Variants in SEL1L2 observed in about 807,000 individuals in gnomAD.
SEL1L2 encodes the protein SEL1L2 adaptor subunit of SYVN1 ubiquitin ligase, also known as protein sel-1 homolog 2.
In SEL1L2, 89 loss-of-function variants were observed where a neutral mutation model predicts 98.8. The ratio of observed to expected loss-of-function variants is 0.90; its 90% confidence interval spans 0.76 to 1.07. The LOEUF (loss-of-function observed/expected upper bound fraction) is 1.07. Among genes scored for constraint, SEL1L2 ranks in the 50% least tolerant of loss-of-function variants. The probability of loss-of-function intolerance (pLI) is 0.00; values close to 1 mark genes in which losing one functional copy is unlikely to be tolerated. For synonymous variants in SEL1L2, 262 were observed against 278.5 expected (o/e 0.94, Z 0.59); for missense variants, 788 against 812.0 (o/e 0.97, Z 0.36).
chr20:13,975,781 T>G (rs566899445), intron 1 of SEL1L2, among the ~76,000 whole-genome samples: 1 of 152,330 alleles, frequency 6.6e-6, no homozygotes, highest in East Asian at 1.9e-4. Context: ...CTAACTTAGT[T>G]ATGAGACTTT....
intron 2 of SEL1L2, among the ~76,000 whole-genome samples, chr20:13,939,219 A>G (rs1382395965): frequency 6.6e-6 from 1 of 150,772 alleles, no homozygotes; most frequent in Non-Finnish European, 1.5e-5. Context: ...AATTTTTTGT[A>G]TCTTTAGTAG....
chr20:13,950,708 A>G (rs949143143), intron 2 of SEL1L2, among the ~76,000 whole-genome samples: 1 of 152,192 alleles, frequency 6.6e-6, no homozygotes, highest in African/African-American at 2.4e-5. Context: ...GAAATCTCCA[A>G]TGTAGACAGG....
chr20:13,875,908 C>G (rs1041083072), intron 12 of SEL1L2, 130 bp downstream of exon 12: 9 of 722,476 alleles, frequency 1.2e-5, no homozygotes, highest in Admixed American at 4.2e-5. Context: ...TTATACTTCT[C>G]CAGGACACAA....
Position 13,888,503 on chromosome 20 carries a change from A to C in SEL1L2, c.559T>G (p.Phe187Val). 1 of 1,553,104 alleles carries C rather than the reference A, an allele frequency of 6.4e-7. No homozygotes were observed. The highest frequency in any genetic ancestry group is 8.8e-7 in the Non-Finnish European group (1 of 1,134,476). ...GSCKAQNALG[F>V]LSSYGIGMEY... ...ATTCCTATTCCATAAGAAGACAAAA[A>C]TCCTAATGCCTAAAGCACAAAAGAA... The change falls in exon 6 of 20, where the codon TTT (phenylalanine) becomes GTT (valine). Residue 187 changes from phenylalanine to valine, a missense_variant. Transcript: ENST00000284951.
intron 2 of SEL1L2, among the ~76,000 whole-genome samples, chr20:13,952,550 TTGA>T (rs1189147292): frequency 1.3e-5 from 2 of 152,184 alleles, no homozygotes; most frequent in African/African-American, 4.8e-5. Flanking sequence ...TCACTGGGAC[TTGA>T]TGATTCAAGG....
At chr20:13,865,664 A>G (rs1990886138) in intron 15 of SEL1L2, 150 bp from the exon 16 acceptor site, 1 of 612,500 alleles carries the variant, frequency 1.6e-6, no homozygotes, top group South Asian at 2.3e-5. Flanking sequence ...ATTTAGGGTA[A>G]AGAGTTAATA....
In SEL1L2 at chr20:13,866,935, C is replaced by G. The variant is rs1008201975; in HGVS notation, c.1256-85G>C. 4 of 1,259,158 alleles carry G rather than the reference C, an allele frequency of 3.2e-6. No individual in the cohort carries two copies. In the Admixed American group the frequency reaches 1.2e-4, roughly 38 times the overall value. The allele number at this position is 1,259,158 out of a possible 1,614,324, so 78.0% of individuals were successfully genotyped here. On this transcript the variant is annotated intron_variant, in intron 14 of 19. Transcript: ENST00000284951. ...TATGGATATAATAGTCATAGTGATG[C>G]CTGCTATTTAAATAGAATGGGAAAA... is the stretch of plus-strand genomic sequence containing the variant.
chr20:13,945,674 T>C (rs2049975276), intron 2 of SEL1L2, among the ~76,000 whole-genome samples: 1 of 152,054 alleles, frequency 6.6e-6, no homozygotes, highest in African/African-American at 2.4e-5. Flanking sequence ...CTCTGATAAA[T>C]ACTGATGGAA....
intron 10 of SEL1L2, among the ~76,000 whole-genome samples, chr20:13,879,704 A>G (rs2046605657): frequency 6.6e-6 from 1 of 152,194 alleles, no homozygotes. Flanking sequence ...GAAGCCACTG[A>G]AGATCTATAA....
intron 2 of SEL1L2, among the ~76,000 whole-genome samples, chr20:13,953,816 C>A: frequency 6.6e-6 from 1 of 152,136 alleles, no homozygotes; most frequent in East Asian, 1.9e-4. Flanking sequence ...GTGACAAGGA[C>A]CCTGTTTTTA....
At chr20:13,938,078 C>A (rs1360932469) in intron 2 of SEL1L2, among the ~76,000 whole-genome samples, 2 of 143,400 alleles carry the variant, frequency 1.4e-5, no homozygotes, top group African/African-American at 5.0e-5. Flanking sequence ...TTTCTTTTTT[C>A]TTTTCTTTTT....
intron 3 of SEL1L2, among the ~76,000 whole-genome samples, 175 bp downstream of exon 3, chr20:13,931,428 A>G (rs2049140192): frequency 1.6e-5 from 1 of 63,504 alleles, no homozygotes; most frequent in Admixed American, 1.4e-4. Flanking sequence ...CCCTGTCTCA[A>G]AAAAATAAAA....
At chr20:13,906,591 AT>A (rs546053652) in intron 5 of SEL1L2, among the ~76,000 whole-genome samples, 2 of 151,988 alleles carry the variant, frequency 1.3e-5, no homozygotes, top group South Asian at 4.1e-4. Flanking sequence ...CAAAATGATC[AT>A]TAGGTGGATA....
At chr20:13,921,549 C>T (rs922294836) in intron 3 of SEL1L2, among the ~76,000 whole-genome samples, 2 of 151,822 alleles carry the variant, frequency 1.3e-5, no homozygotes, top group African/African-American at 2.4e-5. Context: ...CAGGGCCGGG[C>T]GCAGAAACAG....
chr20:13,880,752 TG>T (rs2046659240), intron 10 of SEL1L2, among the ~76,000 whole-genome samples: 1 of 152,180 alleles, frequency 6.6e-6, no homozygotes, highest in African/African-American at 2.4e-5. Context: ...TAATATATAT[TG>T]GTAAGTTTTC....
At chr20:13,990,147 T>G (rs2148593258) in intron 1 of SEL1L2, among the ~76,000 whole-genome samples, 1 of 152,330 alleles carries the variant, frequency 6.6e-6, no homozygotes, top group South Asian at 2.1e-4. Flanking sequence ...AACTAGACCT[T>G]TATGATATTC....
chr20:13,885,489 T>C (rs559426359), intron 9 of SEL1L2, 86 bp from the exon 10 acceptor site: 5 of 876,482 alleles, frequency 5.7e-6, no homozygotes, highest in Admixed American at 3.4e-5. Flanking sequence ...TACTTTAGTA[T>C]GTTGATTGTT....
chr20:13,972,145 A>C (rs2051314077), intron 1 of SEL1L2, among the ~76,000 whole-genome samples: 1 of 152,214 alleles, frequency 6.6e-6, no homozygotes, highest in African/African-American at 2.4e-5. Context: ...TTTTAGAATA[A>C]GCTTGTCAGA....
At chr20:13,909,580 G>A (rs750162204) in intron 5 of SEL1L2, among the ~76,000 whole-genome samples, 1 of 152,162 alleles carries the variant, frequency 6.6e-6, no homozygotes, top group Non-Finnish European at 1.5e-5. Context: ...GTGAAGTTTT[G>A]GGGCAGGGGA....
Sources: allele counts gnomAD v4.1 joint callset (sites outside exome capture counted in the v4.1 genomes callset), GRCh38; gene constraint gnomAD v4.1.1; transcripts MANE v1.5; gene names NCBI Gene and HGNC (gene_info 2026-07-23, HGNC 2026-07-21).